SPTLC1: variants seen among roughly 807,000 people sequenced by gnomAD.
SPTLC1 encodes serine palmitoyltransferase 1.
A neutral mutation model predicts 68.9 loss-of-function variants in SPTLC1; 55 were observed. That is an observed-to-expected ratio of 0.80 (90% CI 0.64 to 1.00). SPTLC1 has a LOEUF of 1.00. Ranked by LOEUF, SPTLC1 falls within the 50% of genes least tolerant of loss-of-function variation. The probability of loss-of-function intolerance (pLI) is 0.00; values close to 1 mark genes in which losing one functional copy is unlikely to be tolerated. For synonymous variants in SPTLC1, 197 were observed against 201.6 expected (o/e 0.98, Z 0.19); for missense variants, 449 against 573.1 (o/e 0.78, Z 2.21).
chr9:92,058,801 T>G (rs1045410517), intron 7 of SPTLC1, among the ~76,000 whole-genome samples: 11 of 152,150 alleles, frequency 7.2e-5, no homozygotes, highest in African/African-American at 2.7e-4. Context: ...CATGATTTAT[T>G]CTGGTATGAA....
chr9:92,070,073 A>G (rs1180012050), intron 5 of SPTLC1: 1 of 152,236 alleles, frequency 6.6e-6, no homozygotes, highest in Non-Finnish European at 1.5e-5. Flanking sequence ...GTTTATATAC[A>G]GTTGCCATAA....
chr9:92,036,478 C>A (rs1236182455), intron 13 of SPTLC1, among the ~76,000 whole-genome samples: 4 of 152,224 alleles, frequency 2.6e-5, no homozygotes, highest in Non-Finnish European at 5.9e-5. Context: ...ACACTGGCAT[C>A]TGAAGGAGGC....
intron 2 of SPTLC1, chr9:92,110,427 A>G (rs1215282406): frequency 6.6e-6 from 1 of 152,198 alleles, no homozygotes; most frequent in Admixed American, 6.5e-5. Context: ...TTATACTAAT[A>G]ATCAGTACAA....
chr9:92,037,537 G>A (rs534906168), intron 13 of SPTLC1, among the ~76,000 whole-genome samples: 77 of 152,192 alleles, frequency 5.1e-4, no homozygotes, highest in Middle Eastern at 6.8e-3. Flanking sequence ...AGGTTATTCC[G>A]CTGCTCTTCC....
At chr9:92,087,698 G>A (rs1261396928) in intron 3 of SPTLC1, among the ~76,000 whole-genome samples, 2 of 152,338 alleles carry the variant, frequency 1.3e-5, no homozygotes, top group East Asian at 3.9e-4. Flanking sequence ...TCAGGGGTCA[G>A]GGACCCACTT....
At chr9:92,092,966 C>T (rs1835417296) in intron 3 of SPTLC1, among the ~76,000 whole-genome samples, 1 of 152,128 alleles carries the variant, frequency 6.6e-6, no homozygotes, top group Non-Finnish European at 1.5e-5. Context: ...GAGAGTGGTT[C>T]TGTAATAAGG....
chr9:92,099,922 G>A (rs144045387), intron 3 of SPTLC1, among the ~76,000 whole-genome samples: 222 of 152,256 alleles, frequency 1.5e-3, no homozygotes, highest in African/African-American at 5.1e-3. Flanking sequence ...GTCTAGGTGC[G>A]TACCAGGTTA....
At chr9:92,053,110 T>A (rs1404522182) in intron 8 of SPTLC1, among the ~76,000 whole-genome samples, 3 of 147,764 alleles carry the variant, frequency 2.0e-5, no homozygotes. Context: ...GGTATACGCA[T>A]GGCCAAACAA....
chr9:92,072,997 A>C (rs1834552653), intron 5 of SPTLC1, among the ~76,000 whole-genome samples: 1 of 147,698 alleles, frequency 6.8e-6, no homozygotes, highest in African/African-American at 2.5e-5. Context: ...TCCCCCTCAG[A>C]ACCGAGTTCT....
intron 2 of SPTLC1, chr9:92,111,174 A>G (rs1456202238): frequency 6.6e-6 from 1 of 152,214 alleles, no homozygotes; most frequent in Non-Finnish European, 1.5e-5. Context: ...CAACTTTTTT[A>G]AATTACAGCA....
intron 13 of SPTLC1, among the ~76,000 whole-genome samples, chr9:92,037,982 A>G (rs1304465147): frequency 1.3e-5 from 2 of 152,208 alleles, no homozygotes; most frequent in Admixed American, 1.3e-4. Flanking sequence ...GTATATTTAA[A>G]TGCAAAGTGG....
intron 12 of SPTLC1, among the ~76,000 whole-genome samples, chr9:92,039,694 T>C (rs1833273299): frequency 6.6e-6 from 1 of 152,212 alleles, no homozygotes; most frequent in Admixed American, 6.5e-5. Flanking sequence ...CAATAAAAAG[T>C]ACTAGGTAGC....
chr9:92,105,255 C>A, intron 3 of SPTLC1: 1 of 1,534,304 alleles, frequency 6.5e-7, no homozygotes, highest in Non-Finnish European at 8.7e-7. Flanking sequence ...GGGCCCCCAC[C>A]GGCTAAGCTT....
intron 13 of SPTLC1, among the ~76,000 whole-genome samples, chr9:92,036,285 G>C (rs1356257678): frequency 6.6e-6 from 1 of 152,200 alleles, no homozygotes; most frequent in Non-Finnish European, 1.5e-5. Context: ...TCTGTGAGCT[G>C]TCCACAGACT....
chr9:92,039,221 C>T (rs1346898128), intron 12 of SPTLC1, among the ~76,000 whole-genome samples: 1 of 152,142 alleles, frequency 6.6e-6, no homozygotes, highest in African/African-American at 2.4e-5. Context: ...GAAAAACGTC[C>T]TTATTTGCAT....
chr9:92,103,929 C>T (rs1174415406), intron 3 of SPTLC1, among the ~76,000 whole-genome samples: 3 of 152,186 alleles, frequency 2.0e-5, no homozygotes, highest in Admixed American at 6.5e-5. Flanking sequence ...CATCCAGGGC[C>T]ACACACCTGC....
chr9:92,065,332 A>C (rs1834242957), intron 6 of SPTLC1, among the ~76,000 whole-genome samples: 1 of 152,208 alleles, frequency 6.6e-6, no homozygotes. Flanking sequence ...TCTATGCCTG[A>C]CAAATTTATC....
Position 92,038,254 on chromosome 9 carries a change from T to G in SPTLC1, c.1248A>C (p.Val416=). The G allele has an allele frequency of 1.2e-6, 2 of 1,610,972 alleles. No individual in the cohort carries two copies. Among genetic ancestry groups the G allele is most frequent in the Non-Finnish European group, 1.7e-6 (2 of 1,177,062 alleles). ...CAAGTCAACGGATACTTACTTGATCTACAATTTCCTGAAGCAGTCTGACAT... is the reference window on the plus strand; with the variant it reads ...CAAGTCAACGGATACTTACTTGATCGACAATTTCCTGAAGCAGTCTGACAT... The part of the protein sequence containing the change: ...EQDVRLLQEI[V]DQCMNRSIAL... The change falls in exon 13 of 15, where the codon GTA becomes GTC. Residue 416 remains valine, a synonymous_variant. Coordinates refer to ENST00000262554, the MANE Select transcript of SPTLC1 (RefSeq NM_006415.4).
chr9:92,091,483 A>G (rs1835359859), intron 3 of SPTLC1, among the ~76,000 whole-genome samples: 1 of 152,246 alleles, frequency 6.6e-6, no homozygotes, highest in South Asian at 2.1e-4. Context: ...TTAGAATAAA[A>G]CTGCTGCATG....
Sources: allele counts gnomAD v4.1 joint callset (sites outside exome capture counted in the v4.1 genomes callset), GRCh38; gene constraint gnomAD v4.1.1; transcripts MANE v1.5; gene names NCBI Gene and HGNC (gene_info 2026-07-23, HGNC 2026-07-21).